The following EIF4G1 variants were observed in gnomAD, a reference collection of about 807,000 sequenced individuals.
The protein encoded by EIF4G1 is EIF4-gamma.
In EIF4G1, 4 loss-of-function variants were observed where a neutral mutation model predicts 187.8. That is an observed-to-expected ratio of 0.02 (90% CI 0.01 to 0.05). The LOEUF (loss-of-function observed/expected upper bound fraction) is 0.05, where lower values mean the gene tolerates loss of function less well. EIF4G1 is among the 10% of genes least tolerant of loss of function. The pLI, the probability that EIF4G1 is intolerant of heterozygous loss-of-function variation, is 1.00. For synonymous variants in EIF4G1, 844 were observed against 781.4 expected (o/e 1.08, Z -1.34); for missense variants, 1,647 against 2,081.1 (o/e 0.79, Z 4.06).
In EIF4G1 at chr3:184,317,314, C is replaced by T; in HGVS notation, c.148-7C>T. On this transcript the variant is annotated splice_region_variant and splice_polypyrimidine_tract_variant and intron_variant, in intron 4 of 32. Transcript: ENST00000346169. ...ACAATGCCAACTGCTTTCCTCCCTC[C>T]TGACAGCACTTCTACCCTAGCCGGG... 1 of 1,614,038 alleles carries T rather than the reference C, an allele frequency of 6.2e-7. No individual in the cohort carries two copies. Among genetic ancestry groups the T allele is most frequent in the Non-Finnish European group, 8.5e-7 (1 of 1,180,028 alleles).
At chr3:184,321,172 A>G in intron 9 of EIF4G1, 110 bp from the exon 10 acceptor site, 25 of 1,519,334 alleles carry the variant, frequency 1.6e-5, no homozygotes, top group Non-Finnish European at 2.3e-5. Flanking sequence ...AGGTGGGGAG[A>G]AGATGATGCG....
Position 184,325,671 on chromosome 3 carries a change from A to C in EIF4G1, c.3121+32A>C. 6.2e-7 allele frequency: 1 copy of C among 1,614,138 alleles called. No homozygotes were observed. Among genetic ancestry groups the C allele is most frequent in the Non-Finnish European group, 8.5e-7 (1 of 1,180,042 alleles). On this transcript the variant is annotated intron_variant, in intron 20 of 32. Coordinates refer to ENST00000346169, the MANE Select transcript of EIF4G1 (RefSeq NM_198241.3). This position sits in a 1 kb window ranked among gnomAD's most constrained non-coding sequence, Gnocchi z 5.2. ...TCCAAGCTGGGATTGAGAAGGGAGC[A>C]GTGAAGGGACCGGGAGGTTATACTT...
At position 184,319,799 on chromosome 3, in the gene EIF4G1, A is replaced by C. The variant is rs909440613; in HGVS notation, c.535A>C (p.Thr179Pro). ...GATTGCTCCCAAGAGGGAGCGTAAG[A>C]CGGTGAGTAGCAGTGAGGGGCTCCG... ...PQIAPKRERK[T>P]IRIRDPNQGG... Residue 179 changes from threonine (T) to proline (P), a missense_variant and splice_region_variant, in exon 7 of 33, where the codon ACG becomes CCG. Physicochemically the swap from Thr to Pro is conservative, Grantham distance 38. Around this residue, in one of 11 missense-constraint regions of EIF4G1, gnomAD observed 139 missense variants for 187.3 expected, o/e 0.74. Transcript: ENST00000346169. The C allele has an allele frequency of 9.4e-6, 15 of 1,593,260 alleles. No individual in the cohort carries two copies. Among genetic ancestry groups the C allele is most frequent in the Non-Finnish European group, 1.3e-5 (15 of 1,167,684 alleles).
At chr3:184,317,916 C>G (rs973561746) in intron 6 of EIF4G1, 100 bp downstream of exon 6, 1 of 910,084 alleles carries the variant, frequency 1.1e-6, no homozygotes, top group Non-Finnish European at 1.8e-6. Flanking sequence ...GGCTTGGCTT[C>G]TGGTCTAAAA....
Position 184,331,336 on chromosome 3 carries a change from A to G in EIF4G1, c.4232A>G (p.Gln1411Arg). ...TGGAAGGAATTTCTACCTGAAGGCC[A>G]GGACATTGGTGCATTCGTCGCTGAA... ...LSWKEFLPEG[Q>R]DIGAFVAEQK... is the part of the protein sequence containing the mutation. Residue 1411 changes from glutamine to arginine, a missense_variant, in exon 29 of 33, where the codon CAG (glutamine) becomes CGG (arginine). By Grantham distance (43) the Gln-to-Arg change is conservative. Around this residue, in one of 11 missense-constraint regions of EIF4G1, gnomAD observed 543 missense variants for 638.0 expected, o/e 0.85. Coordinates refer to ENST00000346169, the MANE Select transcript of EIF4G1 (RefSeq NM_198241.3). The G allele has an allele frequency of 6.2e-7, 1 of 1,614,236 alleles. No homozygotes were observed. The highest frequency in any genetic ancestry group is 8.5e-7 in the Non-Finnish European group (1 of 1,180,036).
At position 184,327,421 on chromosome 3, in the gene EIF4G1, G is replaced by A. The variant is rs1725148984; in HGVS notation, c.3634G>A (p.Glu1212Lys). The A allele has an allele frequency of 6.2e-7, 1 of 1,613,416 alleles. No homozygotes were observed. The highest frequency in any genetic ancestry group is 1.3e-5 in the African/African-American group (1 of 74,948). Reference sequence around the variant, plus strand: ...GCTGCGCAAGGCAGCTAGCCTCACGGAGGATCGGGACCGTGGGCGGGATGC... The same window carrying A: ...GCTGCGCAAGGCAGCTAGCCTCACGAAGGATCGGGACCGTGGGCGGGATGC... Reference protein sequence around the residue: ...EGLRKAASLTEDRDRGRDAVK... With the variant: ...EGLRKAASLTKDRDRGRDAVK... Residue 1212 changes from glutamate to lysine, a missense_variant, in exon 24 of 33, where the codon GAG becomes AAG. Physicochemically the swap from Glu to Lys is moderately conservative, Grantham distance 56. Around this residue, in one of 11 missense-constraint regions of EIF4G1, gnomAD observed 543 missense variants for 638.0 expected, o/e 0.85. Coordinates refer to ENST00000346169, the MANE Select transcript of EIF4G1 (RefSeq NM_198241.3).
chr3:184,321,571 G>A lies in EIF4G1; in HGVS notation c.987G>A (p.Val329=). Reference sequence around the variant, plus strand: ...CCGAACCCATACTGGAAGTAGAAGTGACACTTAGCAAACCGGTTCCAGAAT... The same window carrying A: ...CCGAACCCATACTGGAAGTAGAAGTAACACTTAGCAAACCGGTTCCAGAAT... ...PLAEPILEVE[V]TLSKPVPESE... is the part of the protein sequence containing the mutation. Residue 329 remains valine, a synonymous_variant, in exon 10 of 33, where the codon GTG becomes GTA. Coordinates refer to ENST00000346169, the MANE Select transcript of EIF4G1 (RefSeq NM_198241.3). 1 of 1,614,180 alleles carries A rather than the reference G, an allele frequency of 6.2e-7. No individual in the cohort carries two copies. The highest frequency in any genetic ancestry group is 8.5e-7 in the Non-Finnish European group (1 of 1,180,038).
Position 184,318,825 on chromosome 3 carries a change from G to A in EIF4G1, c.425-864G>A, listed in dbSNP as rs189382018. Among the ~76,000 whole-genome samples, 399 of 151,154 alleles carry A rather than the reference G, an allele frequency of 2.6e-3. 4 individuals carry two copies. The highest frequency in any genetic ancestry group is 9.3e-3 in the African/African-American group (382 of 41,284). ...TCATCATGTTGACCAGGCTGGTCTCGAACTCCTGGCCTCAAGTGATCCACC... is the reference window on the plus strand; with the variant it reads ...TCATCATGTTGACCAGGCTGGTCTCAAACTCCTGGCCTCAAGTGATCCACC... On this transcript the variant is annotated intron_variant, in intron 6 of 32. Transcript: ENST00000346169.
At chr3:184,327,090 C>G (rs945258201) in intron 23 of EIF4G1, 107 bp downstream of exon 23, 4 of 1,576,456 alleles carry the variant, frequency 2.5e-6, no homozygotes, top group Non-Finnish European at 3.5e-6. Context: ...GGTTGGAGCC[C>G]TTGGGTTAGA....
In EIF4G1 at chr3:184,315,821, G is replaced by A. The variant is rs1050989881; in HGVS notation, c.25G>A (p.Gly9Ser). 2 of 1,551,210 alleles carry A rather than the reference G, an allele frequency of 1.3e-6. No individual in the cohort carries two copies. Among genetic ancestry groups the A allele is most frequent in the African/African-American group, 2.7e-5 (2 of 73,044 alleles). The change falls in exon 3 of 33, where the codon GGC becomes AGC. Residue 9 changes from glycine (G) to serine (S), a missense_variant. By Grantham distance (56) the Gly-to-Ser change is moderately conservative. Coordinates refer to ENST00000346169, the MANE Select transcript of EIF4G1 (RefSeq NM_198241.3). MNKAPQST[G>S]PPPAPSPGLP... The stretch of plus-strand genomic sequence containing the variant: ...AATGAACAAAGCTCCACAGTCCACA[G>A]GCCCCCCACCCGCCCCATCCCCCGG...
At chr3:184,320,578 G>C (rs976504145) in intron 7 of EIF4G1, 52 bp from the exon 8 acceptor site, 1 of 1,613,526 alleles carries the variant, frequency 6.2e-7, no homozygotes, top group African/African-American at 1.3e-5. Flanking sequence ...GGGCAGGGTG[G>C]AGAGGTGGGC....
At position 184,327,623 on chromosome 3, in the gene EIF4G1, G is replaced by A; in HGVS notation, c.3699G>A (p.Leu1233=). The change falls in exon 25 of 33, where the codon CTG becomes CTA. Residue 1233 remains leucine, a synonymous_variant. Transcript: ENST00000346169. ...CTGCCCTACCCCCAGTGAGCCCCCT[G>A]AAGGCGGCTCTCTCTGAGGAGGAGT... ...REAALPPVSP[L]KAALSEEELE... The A allele has an allele frequency of 6.2e-7, 1 of 1,614,192 alleles. No individual in the cohort carries two copies. The highest frequency in any genetic ancestry group is 1.3e-5 in the African/African-American group (1 of 75,052).
chr3:184,327,047 G>A (rs1725063304), intron 23 of EIF4G1, 64 bp downstream of exon 23: 3 of 1,607,630 alleles, frequency 1.9e-6, no homozygotes, highest in African/African-American at 1.3e-5. Flanking sequence ...TCTGGTTGTT[G>A]CCATAGGTTG....
Position 184,331,557 on chromosome 3 carries a change from A to G in EIF4G1, c.4346A>G (p.Lys1449Arg). Residue 1449 changes from lysine (K) to arginine (R), a missense_variant, in exon 30 of 33, where the codon AAG (lysine) becomes AGG (arginine). This residue lies in a region of EIF4G1 where 543 missense variants were observed against 638.0 expected (regional missense o/e 0.85). Transcript: ENST00000346169. ...GAGGAGCTGAACAGGCAGCTGGAGA[A>G]GCTGCTGAAGGAGGGCAGCAGTAAC... ...PSEELNRQLEKLLKEGSSNQR... is the reference protein window; with the variant it reads ...PSEELNRQLERLLKEGSSNQR... 1 of 1,592,980 alleles carries G rather than the reference A, an allele frequency of 6.3e-7. No homozygotes were observed. The highest frequency in any genetic ancestry group is 8.6e-7 in the Non-Finnish European group (1 of 1,168,550).
Position 184,334,869 on chromosome 3 carries a change from G to A in EIF4G1, c.4761G>A (p.Lys1587=). 1.2e-6 allele frequency: 2 copies of A among 1,614,216 alleles called. No homozygotes were observed. Residue 1587 remains lysine (K), a synonymous_variant, in exon 33 of 33, where the codon AAG becomes AAA. Transcript: ENST00000346169. This position sits in a 1 kb window ranked among gnomAD's most constrained non-coding sequence, Gnocchi z 5.8. ...VALKSVTAFF[K]WLREAEEESD... ...TTAAATCTGTCACAGCCTTCTTCAA[G>A]TGGCTCCGTGAAGCAGAGGAGGAGT...
chr3:184,315,293 G>A (rs1276496743), intron 1 of EIF4G1, 196 bp from the exon 2 acceptor site: 1 of 468,572 alleles, frequency 2.1e-6, no homozygotes, highest in African/African-American at 2.0e-5. Flanking sequence ...GGGTTCCCCG[G>A]CGGCAGGCGT....
chr3:184,315,514 G>A lies in EIF4G1; in HGVS notation c.-66G>A. 1.4e-6 allele frequency: 1 copy of A among 703,282 alleles called. No individual in the cohort carries two copies. Among genetic ancestry groups the A allele is most frequent in the Admixed American group, 1.8e-5 (1 of 56,908 alleles). 43.6% of individuals were successfully genotyped at this position (703,282 alleles called of 1,614,324 possible). A position where few individuals can be genotyped will look rare whatever the true frequency, so the allele number is the denominator to read the frequency against. ...GCCCTCGGATGCCCAGAACCTGTAG[G>A]CCGCACCGTGGACTTGTTCTTAATC... On this transcript the variant is annotated 5_prime_UTR_variant, in exon 2 of 33. Transcript: ENST00000346169.
intron 32 of EIF4G1, 150 bp downstream of exon 32, chr3:184,332,236 T>TTTGTG: frequency 3.8e-6 from 4 of 1,040,160 alleles, no homozygotes; most frequent in Non-Finnish European, 5.6e-6. Flanking sequence ...TCCTTTTACG[T>TTTGTG]TTGTGTTGTG....
chr3:184,315,837 C>CA lies in EIF4G1; in HGVS notation c.42dup (p.Ser15IlefsTer40). 3 of 1,519,422 alleles carry CA rather than the reference C, an allele frequency of 2.0e-6. No individual in the cohort carries two copies. The highest frequency in any genetic ancestry group is 2.7e-6 in the Non-Finnish European group (3 of 1,118,136). 94.1% of individuals were successfully genotyped at this position (1,519,422 alleles called of 1,614,324 possible). ...CAGTCCACAGGCCCCCCACCCGCCC[C>CA]ATCCCCCGGACTCCCACAGGTAATT... On this transcript the variant is annotated frameshift_variant, in exon 3 of 33. Transcript: ENST00000346169. LOFTEE classifies it high-confidence loss of function.
Sources: allele counts gnomAD v4.1 joint callset (sites outside exome capture counted in the v4.1 genomes callset), GRCh38; gene constraint gnomAD v4.1.1; regional missense constraint gnomAD v4.1.1; non-coding constraint Gnocchi (gnomAD v3.1); transcripts MANE v1.5; gene names NCBI Gene and HGNC (gene_info 2026-07-23, HGNC 2026-07-21).